GOLGA3: variants seen among roughly 807,000 people sequenced by gnomAD.
The protein encoded by GOLGA3 is golgin A3, also known as golgin subfamily A member 3.
GOLGA3 carries 75 observed loss-of-function variants against 169.4 expected under a neutral mutation model. The observed-to-expected ratio is 0.44, with a 90% CI of 0.37 to 0.54. The LOEUF is 0.54. GOLGA3 is among the 20% of genes least tolerant of loss of function. GOLGA3 has a pLI of 0.00. For missense variants in GOLGA3, 1,899 were observed against 1,930.0 expected (o/e 0.98, Z 0.30); for synonymous variants, 824 against 822.4 (o/e 1.00, Z -0.03).
chr12:132,819,986 C>G (rs117901048), intron 2 of GOLGA3, among the ~76,000 whole-genome samples: 4,045 of 152,294 alleles, frequency 0.027, 140 homozygotes, highest in Admixed American at 0.1. Flanking sequence ...TCAAAACCAG[C>G]CTGATCAACA....
intron 4 of GOLGA3, among the ~76,000 whole-genome samples, chr12:132,812,157 C>G (rs1379476156): frequency 6.6e-6 from 1 of 150,890 alleles, no homozygotes; most frequent in East Asian, 1.9e-4. Context: ...CACTACACAC[C>G]TGCTTGGGTG....
Position 132,770,961 on chromosome 12 carries a change from A to C in GOLGA3, c.*2144T>G, listed in dbSNP as rs2044874039. 1 of 152,546 alleles carries C rather than the reference A, an allele frequency of 6.6e-6. No individual in the cohort carries two copies. The highest frequency in any genetic ancestry group is 6.5e-5 in the Admixed American group (1 of 15,270). 9.4% of individuals were successfully genotyped at this position (152,546 alleles called of 1,614,324 possible). On this transcript the variant is annotated 3_prime_UTR_variant, in exon 24 of 24. Coordinates refer to ENST00000450791, the MANE Select transcript of GOLGA3 (RefSeq NM_001389683.1). Reference sequence around the variant, plus strand: ...GATTTCTTGATTTTAAAATTAAAACAAAGGGGTAGTACAGCCAAAATAAAT... The same window carrying C: ...GATTTCTTGATTTTAAAATTAAAACCAAGGGGTAGTACAGCCAAAATAAAT...
chr12:132,797,509 G>C (rs1276162591), intron 9 of GOLGA3, among the ~76,000 whole-genome samples: 1 of 152,210 alleles, frequency 6.6e-6, no homozygotes, highest in East Asian at 1.9e-4. Flanking sequence ...TCAAGAGTTT[G>C]AGACTGGCCT....
chr12:132,821,870 A>C (rs1490744174), intron 2 of GOLGA3, 126 bp downstream of exon 2: 1 of 669,386 alleles, frequency 1.5e-6, no homozygotes, highest in South Asian at 2.2e-5. Context: ...AAAAAAAAAA[A>C]AAAACAACTT....
At chr12:132,816,892 G>C in intron 2 of GOLGA3, 80 bp from the exon 3 acceptor site, 9 of 1,243,398 alleles carry the variant, frequency 7.2e-6, no homozygotes, top group Non-Finnish European at 1.0e-5. Flanking sequence ...GCTGGAGTAG[G>C]AGAGAAGAGG....
At position 132,816,636 on chromosome 12, in the gene GOLGA3, G is replaced by C; in HGVS notation, c.310C>G (p.Leu104Val). ...GCACTAGTTCCCTGAGACTTCCTTAGGTTGTCATGGAAACCAGCCACACCT... is the reference window on the plus strand; with the variant it reads ...GCACTAGTTCCCTGAGACTTCCTTACGTTGTCATGGAAACCAGCCACACCT... Reference protein sequence around the residue: ...SPGVAGFHDNLRKSQGTSAEG... With the variant: ...SPGVAGFHDNVRKSQGTSAEG... The change falls in exon 3 of 24, where the codon CTA becomes GTA. Residue 104 changes from leucine (L) to valine (V), a missense_variant. Transcript: ENST00000450791. 6.2e-7 allele frequency: 1 copy of C among 1,614,138 alleles called. No homozygotes were observed. Among genetic ancestry groups the C allele is most frequent in the South Asian group, 1.1e-5 (1 of 91,084 alleles).
At chr12:132,792,335 G>A (rs1430418017) in intron 11 of GOLGA3, among the ~76,000 whole-genome samples, 1 of 152,248 alleles carries the variant, frequency 6.6e-6, no homozygotes, top group Non-Finnish European at 1.5e-5. Flanking sequence ...AAAGACTGCA[G>A]CTCACAGGCT....
chr12:132,782,435 T>A lies in GOLGA3; in HGVS notation c.3326A>T (p.Lys1109Met). 6.2e-7 allele frequency: 1 copy of A among 1,614,106 alleles called. No individual in the cohort carries two copies. The highest frequency in any genetic ancestry group is 8.5e-7 in the Non-Finnish European group (1 of 1,179,912). ...KIKRLEESNK[K>M]LALELEHEKG... ...CTCGTGCTCTAATTCAAGAGCCAAC[T>A]TCTTGTTTGACTCCTCAAGGCGTTT... The change falls in exon 17 of 24, where the codon AAG becomes ATG. Residue 1109 changes from lysine (K) to methionine (M), a missense_variant. Transcript: ENST00000450791.
chr12:132,812,212 C>CACACACACACACAT lies in GOLGA3; in HGVS notation c.519+1094_519+1095insATGTGTGTGTGTGT, dbSNP rs1481853600. On this transcript the variant is annotated intron_variant, in intron 4 of 23. Coordinates refer to ENST00000450791, the MANE Select transcript of GOLGA3 (RefSeq NM_001389683.1). Reference sequence around the variant, plus strand: ...CAAAATACACACACACACACACACACATATATATATATATATATTTTTTTT... The same window carrying CACACACACACACAT: ...CAAAATACACACACACACACACACACACACACACACACATATATATATATATATATATTTTTTTT... 8.6e-5 allele frequency among the ~76,000 whole-genome samples: 10 copies of CACACACACACACAT among 116,318 alleles called. No homozygotes were observed. In the South Asian group the frequency reaches 1.2e-3, roughly 13 times the overall value. 76.3% of individuals were successfully genotyped at this position (116,318 alleles called of 152,430 possible). A position where few individuals can be genotyped will look rare whatever the true frequency, so the allele number is the denominator to read the frequency against.
chr12:132,798,758 A>G (rs1365366670), intron 8 of GOLGA3, among the ~76,000 whole-genome samples: 1 of 152,222 alleles, frequency 6.6e-6, no homozygotes, highest in Non-Finnish European at 1.5e-5. Context: ...AAAAGTCCCC[A>G]TTGACAAGGC....
chr12:132,801,807 T>C lies in GOLGA3; in HGVS notation c.1760A>G (p.Glu587Gly), dbSNP rs761171354. Reference sequence around the variant, plus strand: ...CTCACCCTGCAGCCTGACGCGGGCCTCCTGTGCCAGGGCGAGCTGCTGCTG... The same window carrying C: ...CTCACCCTGCAGCCTGACGCGGGCCCCCTGTGCCAGGGCGAGCTGCTGCTG... ...WYQQQLALAQ[E>G]ARVRLQGEMA... Residue 587 changes from glutamate to glycine, a missense_variant, in exon 8 of 24, where the codon GAG (glutamate) becomes GGG (glycine). Coordinates refer to ENST00000450791, the MANE Select transcript of GOLGA3 (RefSeq NM_001389683.1). 1 of 1,611,426 alleles carries C rather than the reference T, an allele frequency of 6.2e-7. No individual in the cohort carries two copies. Among genetic ancestry groups the C allele is most frequent in the Non-Finnish European group, 8.5e-7 (1 of 1,180,028 alleles).
chr12:132,823,096 C>T (rs1018694582), intron 1 of GOLGA3, among the ~76,000 whole-genome samples: 1 of 152,196 alleles, frequency 6.6e-6, no homozygotes, highest in Admixed American at 6.5e-5. Flanking sequence ...TAACTCTATA[C>T]AGGGTGTACA....
At chr12:132,788,077 G>A (rs887030502) in intron 13 of GOLGA3, among the ~76,000 whole-genome samples, 1 of 151,814 alleles carries the variant, frequency 6.6e-6, no homozygotes, top group Non-Finnish European at 1.5e-5. Flanking sequence ...TGCTCTGCCC[G>A]CACTGCTGAG....
At chr12:132,783,250 C>CCACAGGCCT (rs2045709001) in intron 16 of GOLGA3, among the ~76,000 whole-genome samples, 1 of 152,232 alleles carries the variant, frequency 6.6e-6, no homozygotes, top group Non-Finnish European at 1.5e-5. Flanking sequence ...ACCACAGGAC[C>CCACAGGCCT]GTGCTTGCTT....
chr12:132,812,179 TTC>T (rs1313909447), intron 4 of GOLGA3, among the ~76,000 whole-genome samples: 2 of 130,450 alleles, frequency 1.5e-5, no homozygotes, highest in Non-Finnish European at 3.3e-5. Context: ...CAAAGCGAGA[TTC>T]TGTCTCAAAA....
rs781317094 is a variant in GOLGA3 at position 132,804,885 on chromosome 12, C to T, written c.1428G>A (p.Ser476=). The stretch of plus-strand genomic sequence containing the variant: ...TCATGGCTCGCTCCAGGTCCCAGCA[C>T]GACTGCTTCAGGGTGTCCACCTCCG... ...LSSEVDTLKQ[S]CWDLERAMTD... is the part of the protein sequence containing the mutation. The change falls in exon 7 of 24, where the codon TCG becomes TCA. Residue 476 remains serine, a synonymous_variant. Coordinates refer to ENST00000450791, the MANE Select transcript of GOLGA3 (RefSeq NM_001389683.1). This position sits in a 1 kb window ranked among gnomAD's most constrained non-coding sequence, Gnocchi z 4.1. 7.0e-5 allele frequency: 113 copies of T among 1,614,106 alleles called. No homozygotes were observed. In the Admixed American group the frequency reaches 1.0e-3, roughly 15 times the overall value.
chr12:132,794,708 A>G (rs1215900095), intron 11 of GOLGA3, among the ~76,000 whole-genome samples: 3 of 152,252 alleles, frequency 2.0e-5, no homozygotes, highest in Admixed American at 6.5e-5. Context: ...AATCAAGTTT[A>G]AATTCATCCA....
chr12:132,800,217 C>T (rs867670126), intron 8 of GOLGA3, among the ~76,000 whole-genome samples: 9 of 152,160 alleles, frequency 5.9e-5, no homozygotes, highest in Admixed American at 2.0e-4. Flanking sequence ...ATGTAACAGT[C>T]GAGTGTGGTG....
chr12:132,813,191 C>A, intron 4 of GOLGA3, 116 bp downstream of exon 4: 1 of 695,770 alleles, frequency 1.4e-6, no homozygotes, highest in Non-Finnish European at 2.6e-6. Flanking sequence ...GCTTGTTGCC[C>A]CTGAGCCCAT....
Sources: gnomAD v4.1 joint callset for allele counts (sites outside exome capture counted in the v4.1 genomes callset) on GRCh38, gnomAD v4.1.1 for gene constraint, Gnocchi (gnomAD v3.1) non-coding constraint, MANE v1.5 for transcripts, NCBI Gene and HGNC (gene_info 2026-07-23, HGNC 2026-07-21) for gene names.